The following LTBP1 variants were observed in gnomAD, a reference collection of about 807,000 sequenced individuals.
The protein encoded by LTBP1 is latent transforming growth factor beta binding protein 1.
LTBP1 carries 129 observed loss-of-function variants against 207.6 expected under a neutral mutation model. The observed-to-expected ratio is 0.62, with a 90% CI of 0.54 to 0.72. The LOEUF (loss-of-function observed/expected upper bound fraction) is 0.72. LTBP1 is among the 30% of genes least tolerant of loss of function. LTBP1 has a pLI of 0.00. For synonymous variants in LTBP1, 963 were observed against 833.7 expected (o/e 1.16, Z -2.67); for missense variants, 2,281 against 2,217.2 (o/e 1.03, Z -0.58).
chr2:33,045,010 A>C (rs776158409), intron 3 of LTBP1, among the ~76,000 whole-genome samples: 42 of 151,848 alleles, frequency 2.8e-4, no homozygotes, highest in Admixed American at 1.3e-4. Flanking sequence ...AATTCTGGAT[A>C]TTAGCCCTTG....
At chr2:33,142,090 C>T (rs2150781866) in intron 5 of LTBP1, among the ~76,000 whole-genome samples, 1 of 152,246 alleles carries the variant, frequency 6.6e-6, no homozygotes, top group South Asian at 2.1e-4. Flanking sequence ...CTAACTCTGT[C>T]TCCCAGGCTG....
chr2:33,334,615 C>G (rs1419284092), intron 24 of LTBP1, among the ~76,000 whole-genome samples: 2 of 152,052 alleles, frequency 1.3e-5, no homozygotes, highest in Non-Finnish European at 2.9e-5. Flanking sequence ...TTTTGGGTAA[C>G]TAGGATGATA....
At chr2:33,123,514 A>G (rs218197) in intron 4 of LTBP1, among the ~76,000 whole-genome samples, 84,449 of 152,018 alleles carry the variant, frequency 0.56, 24,198 homozygotes, top group African/African-American at 0.69. Context: ...TCTCTTTGAA[A>G]GGGTTTTTCA....
At chr2:33,139,511 C>G (rs2082463987) in intron 5 of LTBP1, among the ~76,000 whole-genome samples, 1 of 152,202 alleles carries the variant, frequency 6.6e-6, no homozygotes, top group Non-Finnish European at 1.5e-5. Context: ...GGAAATACCA[C>G]TTCTAGCTGA....
chr2:33,121,159 CTTTTTT>C lies in LTBP1; in HGVS notation c.1033+10427_1033+10432del, dbSNP rs61065486. Among the ~76,000 whole-genome samples the C allele has an allele frequency of 2.8e-3, 243 of 87,546 alleles. 3 individuals carry two copies. The highest frequency in any genetic ancestry group is 0.011 in the African/African-American group (234 of 20,486). The allele number at this position is 87,546 out of a possible 152,430, so 57.4% of individuals were successfully genotyped here. A position where few individuals can be genotyped will look rare whatever the true frequency, so the allele number is the denominator to read the frequency against. ...TCAGTGGAAATAAATTTTGTAAAGT[CTTTTTT>C]TTTTTTTTTTTTTTTTTTAGTTTCT... is the stretch of plus-strand genomic sequence containing the variant. On this transcript the variant is annotated intron_variant, in intron 4 of 33. Transcript: ENST00000404816.
intron 2 of LTBP1, among the ~76,000 whole-genome samples, chr2:33,013,972 G>A (rs987877595): frequency 6.6e-6 from 1 of 152,142 alleles, no homozygotes; most frequent in Non-Finnish European, 1.5e-5. Context: ...TCTGGTTGGT[G>A]AAGTTGTTAC....
chr2:32,951,532 G>T (rs1252344160), intron 2 of LTBP1, among the ~76,000 whole-genome samples: 2 of 152,160 alleles, frequency 1.3e-5, no homozygotes, highest in Non-Finnish European at 2.9e-5. Context: ...GCTGAGTAGT[G>T]TGATGCCAGG....
At chr2:33,041,247 G>A (rs114088078) in intron 3 of LTBP1, among the ~76,000 whole-genome samples, 2 of 151,914 alleles carry the variant, frequency 1.3e-5, no homozygotes, top group African/African-American at 4.8e-5. Flanking sequence ...TAGCTAGATG[G>A]CTATCTAAAG....
Position 33,347,515 on chromosome 2 carries a change from G to C in LTBP1, c.4000+5G>C. 1 of 1,614,052 alleles carries C rather than the reference G, an allele frequency of 6.2e-7. No individual in the cohort carries two copies. The highest frequency in any genetic ancestry group is 8.5e-7 in the Non-Finnish European group (1 of 1,180,014). ...GCCGCTCCCGGACCTCCACAGGTAA[G>C]TCCCAGTGACACTGTGCAAGGGAAT... On this transcript the variant is annotated splice_donor_5th_base_variant and intron_variant, in intron 26 of 33. Coordinates refer to ENST00000404816, the MANE Select transcript of LTBP1 (RefSeq NM_206943.4).
At chr2:33,012,563 G>A (rs1215437393) in intron 2 of LTBP1, among the ~76,000 whole-genome samples, 4 of 152,172 alleles carry the variant, frequency 2.6e-5, no homozygotes, top group African/African-American at 9.7e-5. Context: ...TAGCTGTATG[G>A]TGATTCTTTT....
chr2:33,283,756 C>G (rs1036609518), intron 19 of LTBP1, among the ~76,000 whole-genome samples: 7 of 152,152 alleles, frequency 4.6e-5, no homozygotes, highest in Non-Finnish European at 1.0e-4. Flanking sequence ...TTCCTGCAAT[C>G]ACACCATTTT....
At chr2:33,084,268 A>C (rs191868338) in intron 3 of LTBP1, among the ~76,000 whole-genome samples, 1 of 152,120 alleles carries the variant, frequency 6.6e-6, no homozygotes, top group Non-Finnish European at 1.5e-5. Flanking sequence ...TTTGCTTTTA[A>C]ATTTTCAGCT....
chr2:32,983,722 A>T (rs1206745634), intron 2 of LTBP1, among the ~76,000 whole-genome samples: 1 of 152,166 alleles, frequency 6.6e-6, no homozygotes, highest in Admixed American at 6.5e-5. Flanking sequence ...ACACACTCTC[A>T]TGCCTGACGC....
chr2:33,261,187 T>C (rs1458186942), intron 13 of LTBP1, among the ~76,000 whole-genome samples: 1 of 152,184 alleles, frequency 6.6e-6, no homozygotes, highest in Non-Finnish European at 1.5e-5. Context: ...GACTGGACCG[T>C]ATTTGTTAAA....
intron 11 of LTBP1, among the ~76,000 whole-genome samples, chr2:33,254,385 T>C (rs989845287): frequency 6.6e-6 from 1 of 152,052 alleles, no homozygotes; most frequent in African/African-American, 2.4e-5. Context: ...TTATAATCCT[T>C]ACATGAAGCA....
intron 9 of LTBP1, among the ~76,000 whole-genome samples, chr2:33,226,183 A>G (rs1423288321): frequency 6.6e-6 from 1 of 152,196 alleles, no homozygotes; most frequent in African/African-American, 2.4e-5. Flanking sequence ...TGCTACGATT[A>G]TGGAATGGAT....
chr2:33,346,694 AAAG>A (rs561835837), intron 25 of LTBP1, among the ~76,000 whole-genome samples: 3 of 151,894 alleles, frequency 2.0e-5, no homozygotes, highest in African/African-American at 7.2e-5. Flanking sequence ...CAAAAAAAAA[AAAG>A]AACTGAGAGT....
chr2:33,304,678 A>G (rs949151722), intron 22 of LTBP1, among the ~76,000 whole-genome samples: 10 of 152,246 alleles, frequency 6.6e-5, no homozygotes, highest in Non-Finnish European at 1.3e-4. Flanking sequence ...ACAGTCTTTA[A>G]TCTCGTGTCT....
intron 25 of LTBP1, among the ~76,000 whole-genome samples, chr2:33,346,296 ATTTTCAGATATTTAAGTATATT>A (rs1458703872): frequency 6.6e-6 from 1 of 152,160 alleles, no homozygotes; most frequent in African/African-American, 2.4e-5. Context: ...AGAGAACTGT[ATTTTCAGATATTTAAGTATATT>A]TTAAAAGTTT....
Sources: allele counts gnomAD v4.1 joint callset (sites outside exome capture counted in the v4.1 genomes callset), GRCh38; gene constraint gnomAD v4.1.1; transcripts MANE v1.5; gene names NCBI Gene and HGNC (gene_info 2026-07-23, HGNC 2026-07-21).